Variants in LIN9 observed in about 807,000 individuals in gnomAD.
The protein encoded by LIN9 is protein lin-9 homolog.
LIN9 carries 18 observed loss-of-function variants against 78.0 expected under a neutral mutation model. The observed-to-expected ratio is 0.23, with a 90% CI of 0.16 to 0.34. LIN9 has a LOEUF of 0.34. Among genes scored for constraint, LIN9 ranks in the 10% least tolerant of loss-of-function variants. LIN9 has a pLI of 1.00. For synonymous variants in LIN9, 192 were observed against 215.2 expected (o/e 0.89, Z 0.94); for missense variants, 451 against 644.1 (o/e 0.70, Z 3.25).
At chr1:226,295,784 T>G (rs1284900367) in intron 4 of LIN9, 58 bp downstream of exon 4, 2 of 1,007,042 alleles carry the variant, frequency 2.0e-6, no homozygotes, top group Non-Finnish European at 3.0e-6. Context: ...TAAACTTTAT[T>G]AGGCTGAGCA....
At chr1:226,279,512 C>T (rs1281289017) in intron 6 of LIN9, among the ~76,000 whole-genome samples, 1 of 149,066 alleles carries the variant, frequency 6.7e-6, no homozygotes, top group Admixed American at 6.8e-5. Context: ...CTTGTAATCT[C>T]AGCACTTTGG....
intron 10 of LIN9, among the ~76,000 whole-genome samples, chr1:226,252,160 G>A (rs561187066): frequency 6.6e-6 from 1 of 152,138 alleles, no homozygotes; most frequent in South Asian, 2.1e-4. Flanking sequence ...GCTTGCATCT[G>A]TAGTCCCAGT....
At chr1:226,301,353 A>C (rs1203760110) in intron 1 of LIN9, 148 bp from the exon 2 acceptor site, 1 of 586,068 alleles carries the variant, frequency 1.7e-6, no homozygotes, top group East Asian at 2.8e-5. Context: ...AATATCTGGC[A>C]GACAATTCAA....
intron 12 of LIN9, among the ~76,000 whole-genome samples, chr1:226,237,685 T>C (rs1657811408): frequency 7.0e-6 from 1 of 143,562 alleles, no homozygotes; most frequent in African/African-American, 2.6e-5. Context: ...CAGTGGCTCA[T>C]GTCTCTAATC....
At chr1:226,261,128 C>T (rs1317302236) in intron 10 of LIN9, among the ~76,000 whole-genome samples, 1 of 150,008 alleles carries the variant, frequency 6.7e-6, no homozygotes, top group Non-Finnish European at 1.5e-5. Context: ...AGACAACGTC[C>T]TCAACCTGAT....
intron 1 of LIN9, 62 bp downstream of exon 1, chr1:226,309,047 G>A: frequency 7.7e-7 from 1 of 1,297,290 alleles, no homozygotes; most frequent in Non-Finnish European, 9.9e-7. Context: ...CGTCCCGGCC[G>A]GTGCAACCGC....
intron 4 of LIN9, among the ~76,000 whole-genome samples, chr1:226,290,531 G>A (rs1347451992): frequency 4.0e-5 from 6 of 151,712 alleles, no homozygotes; most frequent in Non-Finnish European, 4.4e-5. Flanking sequence ...TTGTAGAGAC[G>A]GGGTTTCACC....
chr1:226,233,510 T>G lies in LIN9; in HGVS notation c.1259A>C (p.Gln420Pro). 1 of 1,613,160 alleles carries G rather than the reference T, an allele frequency of 6.2e-7. No individual in the cohort carries two copies. Among genetic ancestry groups the G allele is most frequent in the Non-Finnish European group, 8.5e-7 (1 of 1,179,718 alleles). Residue 420 changes from glutamine to proline, a missense_variant, in exon 13 of 15, where the codon CAG (glutamine) becomes CCG (proline). Coordinates refer to ENST00000681046, the MANE Select transcript of LIN9 (RefSeq NM_001366245.2). ...QQYCYELAPD[Q>P]GLQPADQPTD... ...TGGCTGATCTGCAGGCTGGAGCCCC[T>G]GGTCTGGAGCAAGCTGAATACAGAT... is the stretch of plus-strand genomic sequence containing the variant.
chr1:226,257,582 T>C (rs900826884), intron 10 of LIN9, among the ~76,000 whole-genome samples: 4 of 152,186 alleles, frequency 2.6e-5, no homozygotes, highest in African/African-American at 9.7e-5. Context: ...CTGTACAGTG[T>C]TATTTGAAAG....
chr1:226,305,909 G>A (rs755853653), intron 1 of LIN9, among the ~76,000 whole-genome samples: 22 of 152,104 alleles, frequency 1.4e-4, no homozygotes, highest in Non-Finnish European at 2.6e-4. Flanking sequence ...TGAGGTAATT[G>A]GTAAAGAGAA....
chr1:226,278,991 A>T (rs1432847337), intron 6 of LIN9, among the ~76,000 whole-genome samples: 1 of 151,224 alleles, frequency 6.6e-6, no homozygotes, highest in Non-Finnish European at 1.5e-5. Context: ...ACAAACAAAC[A>T]AACAAAAAAA....
intron 6 of LIN9, among the ~76,000 whole-genome samples, chr1:226,281,725 G>C (rs940197802): frequency 3.5e-5 from 5 of 142,948 alleles, no homozygotes; most frequent in African/African-American, 1.0e-4. Flanking sequence ...TTGGAGTCTC[G>C]CTCTGTTGCC....
intron 1 of LIN9, among the ~76,000 whole-genome samples, chr1:226,307,182 G>C (rs773253998): frequency 1.3e-5 from 2 of 152,196 alleles, no homozygotes; most frequent in Non-Finnish European, 2.9e-5. Context: ...CATTACAACA[G>C]AATGACTACA....
chr1:226,260,639 T>G lies in LIN9; in HGVS notation c.1038+4894A>C, dbSNP rs974502194. 9.4e-4 allele frequency among the ~76,000 whole-genome samples: 111 copies of G among 118,450 alleles called. 7 individuals carry two copies. Among genetic ancestry groups the G allele is most frequent in the East Asian group, 3.8e-3 (16 of 4,190 alleles). 77.7% of individuals were successfully genotyped at this position (118,450 alleles called of 152,430 possible). A position where few individuals can be genotyped will look rare whatever the true frequency, so the allele number is the denominator to read the frequency against. On this transcript the variant is annotated intron_variant, in intron 10 of 14. Coordinates refer to ENST00000681046, the MANE Select transcript of LIN9 (RefSeq NM_001366245.2). ...TCACGGCCAAATGAGTTTTTTTTTT[T>G]TTTTTTTTTTTTTTTTTTTTTTTGA...
chr1:226,240,457 C>T (rs1468791327), intron 11 of LIN9, among the ~76,000 whole-genome samples: 1 of 151,184 alleles, frequency 6.6e-6, no homozygotes, highest in Non-Finnish European at 1.5e-5. Flanking sequence ...GACGTGATCT[C>T]CGCTCACTAC....
At chr1:226,293,184 T>C (rs1416154582) in intron 4 of LIN9, among the ~76,000 whole-genome samples, 3 of 152,208 alleles carry the variant, frequency 2.0e-5, no homozygotes, top group Non-Finnish European at 4.4e-5. Flanking sequence ...CTACAACTAG[T>C]AAAGAGAAAA....
chr1:226,300,099 C>T (rs559329317), intron 2 of LIN9, among the ~76,000 whole-genome samples: 5 of 151,882 alleles, frequency 3.3e-5, no homozygotes, highest in Admixed American at 6.6e-5. Context: ...CCACCACTCC[C>T]GGATAATTTT....
At chr1:226,308,564 C>T (rs1457424542) in intron 1 of LIN9, among the ~76,000 whole-genome samples, 3 of 151,890 alleles carry the variant, frequency 2.0e-5, no homozygotes, top group Non-Finnish European at 4.4e-5. Context: ...GTGGACACAC[C>T]GGTGGGGGGG....
At chr1:226,252,314 A>G (rs201408073) in intron 10 of LIN9, among the ~76,000 whole-genome samples, 4,149 of 146,874 alleles carry the variant, frequency 0.028, 166 homozygotes, top group African/African-American at 0.085. Flanking sequence ...ATAAATAAAT[A>G]AATAAATGAA....
Sources: allele counts gnomAD v4.1 joint callset (sites outside exome capture counted in the v4.1 genomes callset), GRCh38; gene constraint gnomAD v4.1.1; transcripts MANE v1.5; gene names NCBI Gene and HGNC (gene_info 2026-07-23, HGNC 2026-07-21).